AASDH: variants seen among roughly 807,000 people sequenced by gnomAD.
The protein encoded by AASDH is aminoadipate-semialdehyde dehydrogenase.
Under a neutral mutation model 102.3 loss-of-function variants are expected in AASDH, and 81 were observed. That is an observed-to-expected ratio of 0.79 (90% CI 0.66 to 0.95). AASDH has a LOEUF of 0.95. Ranked by LOEUF, AASDH falls within the 40% of genes least tolerant of loss-of-function variation. The pLI is 0.00. For synonymous variants in AASDH, 398 were observed against 454.0 expected (o/e 0.88, Z 1.57); for missense variants, 1,203 against 1,266.2 (o/e 0.95, Z 0.76).
chr4:56,372,215 G>A (rs1230788224), intron 4 of AASDH, among the ~76,000 whole-genome samples: 7 of 152,146 alleles, frequency 4.6e-5, no homozygotes, highest in African/African-American at 1.7e-4. Context: ...TTCCCAATCT[G>A]ATTTCACCTG....
intron 5 of AASDH, chr4:56,356,579 CAAA>C (rs1221119598): frequency 5.4e-6 from 4 of 745,708 alleles, no homozygotes; most frequent in Non-Finnish European, 9.6e-6. Flanking sequence ...TGGTGGAGAA[CAAA>C]GAAAGCTCAG....
At chr4:56,383,625 G>T (rs932369168) in intron 2 of AASDH, among the ~76,000 whole-genome samples, 7 of 151,908 alleles carry the variant, frequency 4.6e-5, no homozygotes, top group African/African-American at 1.7e-4. Flanking sequence ...TCTTCTAATG[G>T]GTTCATATTT....
At chr4:56,372,878 T>C (rs74679227) in intron 4 of AASDH, among the ~76,000 whole-genome samples, 99 of 152,302 alleles carry the variant, frequency 6.5e-4, no homozygotes, top group African/African-American at 2.3e-3. Context: ...TTTTAATGCT[T>C]AGATTCAATA....
chr4:56,347,691 C>T (rs897444953), intron 11 of AASDH, among the ~76,000 whole-genome samples: 5 of 151,976 alleles, frequency 3.3e-5, no homozygotes, highest in African/African-American at 7.2e-5. Context: ...CGCTTGAGCC[C>T]GGGAGTTTGA....
rs751367190 is a variant in AASDH at position 56,349,808 on chromosome 4, A to G, written c.1943T>C (p.Leu648Pro). The change falls in exon 11 of 15, where the codon CTC becomes CCC. Residue 648 changes from leucine (L) to proline (P), a missense_variant. Coordinates refer to ENST00000205214, the MANE Select transcript of AASDH (RefSeq NM_181806.4). ...FRKSCATKRK[L>P]SDINQEEASG... Reference sequence around the variant, plus strand: ...GGCTTCCTCTTGATTAATGTCGCTGAGTTTCCTTTTTGTGGCACAACTCTT... The same window carrying G: ...GGCTTCCTCTTGATTAATGTCGCTGGGTTTCCTTTTTGTGGCACAACTCTT... The G allele has an allele frequency of 2.5e-6, 4 of 1,614,180 alleles. No homozygotes were observed. The highest frequency in any genetic ancestry group is 3.4e-6 in the Non-Finnish European group (4 of 1,180,032).
chr4:56,342,110 CAAAAAAAAAAAAA>C lies in AASDH; in HGVS notation c.2907+712_2907+724del, dbSNP rs113304959. ...CTGGTAACAGAGCAAGATTCTGTCT[CAAAAAAAAAAAAA>C]AAAAAAAAAAAGAAGTTGGGGTGGG... On this transcript the variant is annotated intron_variant, in intron 14 of 14. Transcript: ENST00000205214. Among the ~76,000 whole-genome samples, 6 of 97,514 alleles carry C rather than the reference CAAAAAAAAAAAAA, an allele frequency of 6.2e-5. No individual in the cohort carries two copies. In the South Asian group the frequency reaches 1.3e-3, roughly 22 times the overall value. The allele number at this position is 97,514 out of a possible 152,430, so 64.0% of individuals were successfully genotyped here.
At chr4:56,375,032 A>G (rs1299460872) in intron 4 of AASDH, among the ~76,000 whole-genome samples, 1 of 151,998 alleles carries the variant, frequency 6.6e-6, no homozygotes, top group Non-Finnish European at 1.5e-5. Flanking sequence ...TTCTCTCTGG[A>G]GGTAGTGCTG....
At chr4:56,384,013 T>C (rs1012645448) in intron 2 of AASDH, 57 bp downstream of exon 2, 6 of 1,438,800 alleles carry the variant, frequency 4.2e-6, no homozygotes, top group Non-Finnish European at 5.8e-6. Context: ...ATATACTCTA[T>C]TAAAAATTTA....
intron 5 of AASDH, among the ~76,000 whole-genome samples, chr4:56,365,189 C>T (rs1317381817): frequency 6.6e-6 from 1 of 152,012 alleles, no homozygotes; most frequent in African/African-American, 2.4e-5. Context: ...TATATATGCA[C>T]CCAATACAGG....
chr4:56,383,955 A>C lies in AASDH; in HGVS notation c.230+115T>G, dbSNP rs1263166841. On this transcript the variant is annotated intron_variant, in intron 2 of 14. Transcript: ENST00000205214. ...AACTTCTTTAGTCTCTCTACAATTG[A>C]CCAAACAATATAGAAAAGTCCAATA... The C allele has an allele frequency of 1.7e-5, 14 of 817,050 alleles. No individual in the cohort carries two copies. In the South Asian group the frequency reaches 2.2e-4, roughly 13 times the overall value. 50.6% of individuals were successfully genotyped at this position (817,050 alleles called of 1,614,324 possible).
intron 12 of AASDH, among the ~76,000 whole-genome samples, 187 bp downstream of exon 12, chr4:56,344,940 C>CT (rs11357105): frequency 0.025 from 3,067 of 124,104 alleles, 53 homozygotes; most frequent in African/African-American, 0.041. Context: ...AATTTTCTTT[C>CT]TTTTTTTTTT....
At chr4:56,365,052 AG>A (rs1050136386) in intron 5 of AASDH, among the ~76,000 whole-genome samples, 104 of 152,334 alleles carry the variant, frequency 6.8e-4, no homozygotes, top group African/African-American at 2.5e-3. Flanking sequence ...AAACAAAAAA[AG>A]GCAGGGGTTG....
chr4:56,359,410 C>T (rs2109918195), intron 5 of AASDH, among the ~76,000 whole-genome samples: 1 of 151,858 alleles, frequency 6.6e-6, no homozygotes, highest in Middle Eastern at 3.4e-3. Flanking sequence ...CAGGCACCTG[C>T]CACCATGTGT....
Position 56,353,552 on chromosome 4 carries a change from C to T in AASDH, c.1428G>A (p.Trp476Ter). 1 of 1,613,250 alleles carries T rather than the reference C, an allele frequency of 6.2e-7. No homozygotes were observed. The highest frequency in any genetic ancestry group is 8.5e-7 in the Non-Finnish European group (1 of 1,179,928). ...AGAGAATTAATTTTTCCTGATTATA[C>T]CATGTAACTGCACAAGACTCCACTT... The part of the protein sequence containing the change: ...LQQVESCAVT[W>*]YNQEKLILFM... The change falls in exon 9 of 15, where the codon TGG becomes TGA. Residue 476 changes from tryptophan (W) to a stop codon, truncating the protein, a stop_gained. Coordinates refer to ENST00000205214, the MANE Select transcript of AASDH (RefSeq NM_181806.4). LOFTEE classifies it high-confidence loss of function.
intron 13 of AASDH, 57 bp from the exon 14 acceptor site, chr4:56,343,023 C>A: frequency 7.0e-7 from 1 of 1,432,304 alleles, no homozygotes; most frequent in African/African-American, 1.4e-5. Context: ...ATCAGTTACC[C>A]TTTAAAAAAC....
chr4:56,382,314 C>T (rs776431436), intron 3 of AASDH, 163 bp downstream of exon 3: 50 of 654,934 alleles, frequency 7.6e-5, no homozygotes, highest in Admixed American at 6.8e-4. Flanking sequence ...ATATACGGAA[C>T]ACTCCTCACA....
intron 5 of AASDH, among the ~76,000 whole-genome samples, chr4:56,368,231 G>A: frequency 6.6e-6 from 1 of 152,186 alleles, no homozygotes; most frequent in South Asian, 2.1e-4. Context: ...AGGTGCTGGA[G>A]AGGATGTGGA....
chr4:56,353,484 T>G lies in AASDH; in HGVS notation c.1496A>C (p.Lys499Thr). 1 of 1,614,006 alleles carries G rather than the reference T, an allele frequency of 6.2e-7. No individual in the cohort carries two copies. Among genetic ancestry groups the G allele is most frequent in the South Asian group, 1.1e-5 (1 of 91,072 alleles). ...ACTTGGAAGATATTTCTGCAGTTCT[T>G]TAAAGATGTATTCTTTTACTGAAGC... The part of the protein sequence containing the change: ...KDASVKEYIF[K>T]ELQKYLPSHA... Residue 499 changes from lysine (K) to threonine (T), a missense_variant, in exon 9 of 15, where the codon AAA (lysine) becomes ACA (threonine). By Grantham distance (78) the Lys-to-Thr change is moderately conservative. Coordinates refer to ENST00000205214, the MANE Select transcript of AASDH (RefSeq NM_181806.4).
At chr4:56,368,937 A>T (rs2109962143) in intron 5 of AASDH, among the ~76,000 whole-genome samples, 1 of 152,106 alleles carries the variant, frequency 6.6e-6, no homozygotes, top group Non-Finnish European at 1.5e-5. Flanking sequence ...ATGAACCCTG[A>T]CAACACAGCT....
Sources: allele counts gnomAD v4.1 joint callset (sites outside exome capture counted in the v4.1 genomes callset), GRCh38; gene constraint gnomAD v4.1.1; transcripts MANE v1.5; gene names NCBI Gene and HGNC (gene_info 2026-07-23, HGNC 2026-07-21).